Variants in SGCZ observed in about 807,000 individuals in gnomAD.
SGCZ encodes the protein zeta-sarcoglycan.
SGCZ carries 40 observed loss-of-function variants against 41.3 expected under a neutral mutation model. That is an observed-to-expected ratio of 0.97 (90% CI 0.75 to 1.26). SGCZ has a LOEUF of 1.26. Ranked by LOEUF, SGCZ falls within the 50% of genes most tolerant of loss-of-function variation. The pLI is 0.00. For synonymous variants in SGCZ, 206 were observed against 137.5 expected, an observed-to-expected ratio of 1.50 and a Z score of -3.49; for missense variants, 552 against 369.8, an observed-to-expected ratio of 1.49 and a Z score of -4.04.
intron 2 of SGCZ, among the ~76,000 whole-genome samples, chr8:14,346,512 A>C (rs1802895497): frequency 6.6e-6 from 1 of 152,086 alleles, no homozygotes; most frequent in African/African-American, 2.4e-5. Flanking sequence ...GAACCCACTC[A>C]TTATTTCAAG....
chr8:14,776,347 G>T (rs1466889766), intron 1 of SGCZ, among the ~76,000 whole-genome samples: 1 of 151,912 alleles, frequency 6.6e-6, no homozygotes, highest in Admixed American at 6.6e-5. Flanking sequence ...ATAAATGCAA[G>T]TTCCCCTGCA....
chr8:15,192,145 T>C lies in SGCZ; in HGVS notation c.39+45440A>G, dbSNP rs143336045. 8.3e-3 allele frequency among the ~76,000 whole-genome samples: 1,270 copies of C among 152,202 alleles called. 13 individuals carry two copies. Among genetic ancestry groups the C allele is most frequent in the Non-Finnish European group, 0.014 (979 of 68,008 alleles). On this transcript the variant is annotated intron_variant, in intron 1 of 7. Transcript: ENST00000382080. ...GGAATATTCTTACACCAAAATACTA[T>C]TGGCTTTTGTGCTATTTCTTTATTC...
At chr8:14,930,829 G>C (rs1363938741) in intron 1 of SGCZ, among the ~76,000 whole-genome samples, 1 of 151,882 alleles carries the variant, frequency 6.6e-6, no homozygotes, top group African/African-American at 2.4e-5. Flanking sequence ...GGGCTTGTCA[G>C]AGGGGTGAGG....
intron 4 of SGCZ, among the ~76,000 whole-genome samples, chr8:14,230,606 C>A (rs112625533): frequency 3.9e-5 from 6 of 152,016 alleles, no homozygotes; most frequent in African/African-American, 1.4e-4. Context: ...ATCATGATTT[C>A]CACATGAAAA....
intron 1 of SGCZ, among the ~76,000 whole-genome samples, chr8:15,039,599 G>C (rs1452369149): frequency 6.6e-6 from 1 of 152,140 alleles, no homozygotes; most frequent in East Asian, 1.9e-4. Context: ...GTCAATATTT[G>C]TAACTTTGTT....
chr8:14,102,616 A>C, intron 6 of SGCZ, 117 bp from the exon 7 acceptor site: 5 of 967,548 alleles, frequency 5.2e-6, no homozygotes, highest in Non-Finnish European at 6.7e-6. Context: ...ACAACCAGAC[A>C]GACAGGCATA....
chr8:14,904,185 G>C (rs1799054721), intron 1 of SGCZ, among the ~76,000 whole-genome samples: 1 of 152,006 alleles, frequency 6.6e-6, no homozygotes, highest in African/African-American at 2.4e-5. Context: ...AGTGCAACTT[G>C]AATTGCTGCT....
rs114929070 is a variant in SGCZ at position 15,203,975 on chromosome 8, A to G, written c.39+33610T>C. On this transcript the variant is annotated intron_variant, in intron 1 of 7. Coordinates refer to ENST00000382080, the MANE Select transcript of SGCZ (RefSeq NM_139167.4). Reference sequence around the variant, plus strand: ...CCTTATGGGACTACGTTTATGTAAGAAACAATAAAACATTTCTCATATTAT... The same window carrying G: ...CCTTATGGGACTACGTTTATGTAAGGAACAATAAAACATTTCTCATATTAT... Among the ~76,000 whole-genome samples the G allele has an allele frequency of 1.2e-3, 180 of 152,328 alleles. 1 individual carries two copies. Among genetic ancestry groups the G allele is most frequent in the African/African-American group, 4.3e-3 (177 of 41,576 alleles).
At chr8:14,814,553 C>A (rs930861707) in intron 1 of SGCZ, among the ~76,000 whole-genome samples, 9 of 152,212 alleles carry the variant, frequency 5.9e-5, no homozygotes, top group Middle Eastern at 3.4e-3. Context: ...CATCTCATAG[C>A]CAAAGAAATA....
chr8:14,681,145 A>T (rs1433886686), intron 1 of SGCZ, among the ~76,000 whole-genome samples: 1 of 152,130 alleles, frequency 6.6e-6, no homozygotes, highest in Non-Finnish European at 1.5e-5. Flanking sequence ...AAGAAAAAAT[A>T]GTCCAAAGAA....
chr8:15,110,374 T>C (rs1305055617), intron 1 of SGCZ, among the ~76,000 whole-genome samples: 4 of 152,204 alleles, frequency 2.6e-5, no homozygotes, highest in Non-Finnish European at 4.4e-5. Flanking sequence ...ATGTTCACAA[T>C]GATCATCTGG....
intron 2 of SGCZ, among the ~76,000 whole-genome samples, chr8:14,511,302 C>A (rs867237153): frequency 1.3e-5 from 2 of 151,864 alleles, no homozygotes; most frequent in African/African-American, 4.8e-5. Flanking sequence ...TTTTTTAAAT[C>A]TTCTACTCTA....
intron 1 of SGCZ, among the ~76,000 whole-genome samples, chr8:14,613,145 C>T (rs1203634648): frequency 6.6e-6 from 1 of 152,134 alleles, no homozygotes; most frequent in Non-Finnish European, 1.5e-5. Flanking sequence ...TGGGAGGGTG[C>T]ATGCTGAGTG....
chr8:14,671,213 G>C (rs1295127226), intron 1 of SGCZ, among the ~76,000 whole-genome samples: 1 of 152,160 alleles, frequency 6.6e-6, no homozygotes, highest in East Asian at 1.9e-4. Context: ...GCAGATGAGG[G>C]AGTCTGATGG....
At chr8:15,232,560 C>A (rs111643945) in intron 1 of SGCZ, among the ~76,000 whole-genome samples, 4 of 151,612 alleles carry the variant, frequency 2.6e-5, no homozygotes, top group African/African-American at 9.7e-5. Context: ...TGTTTCCCTA[C>A]TGTAACTTGA....
chr8:15,056,542 G>GAAA (rs1207125607), intron 1 of SGCZ, among the ~76,000 whole-genome samples: 2 of 136,612 alleles, frequency 1.5e-5, no homozygotes, highest in African/African-American at 5.6e-5. Context: ...ATGTAGGTGA[G>GAAA]CAAAAAAAAA....
chr8:14,847,508 T>TA (rs57126601), intron 1 of SGCZ, among the ~76,000 whole-genome samples: 62,166 of 149,102 alleles, frequency 0.42, 13,591 homozygotes, highest in East Asian at 0.62. Flanking sequence ...TATTAACAAG[T>TA]AAAAAAAAAG....
At chr8:14,795,234 C>T (rs1453830012) in intron 1 of SGCZ, among the ~76,000 whole-genome samples, 1 of 152,088 alleles carries the variant, frequency 6.6e-6, no homozygotes, top group African/African-American at 2.4e-5. Flanking sequence ...CTAAAGCATA[C>T]ATATGTATAT....
intron 1 of SGCZ, among the ~76,000 whole-genome samples, chr8:14,873,536 C>T (rs1585337862): frequency 6.6e-6 from 1 of 152,134 alleles, no homozygotes; most frequent in South Asian, 2.1e-4. Context: ...ATGTCAATCA[C>T]TTGAGATCAA....
Sources: allele counts gnomAD v4.1 joint callset (sites outside exome capture counted in the v4.1 genomes callset), GRCh38; gene constraint gnomAD v4.1.1; transcripts MANE v1.5; gene names NCBI Gene and HGNC (gene_info 2026-07-23, HGNC 2026-07-21).